C2CD3: variants seen among roughly 807,000 people sequenced by gnomAD.
C2CD3 encodes the protein C2 domain-containing protein 3.
Under a neutral mutation model 234.0 loss-of-function variants are expected in C2CD3, and 148 were observed. That is an observed-to-expected ratio of 0.63 (90% CI 0.55 to 0.72). The LOEUF (loss-of-function observed/expected upper bound fraction) is 0.72. C2CD3 is among the 30% of genes least tolerant of loss of function. C2CD3 has a pLI of 0.00. For synonymous variants in C2CD3, 1,000 were observed against 1,035.4 expected, an observed-to-expected ratio of 0.97 and a Z score of 0.66; for missense variants, 2,577 against 2,811.5, an observed-to-expected ratio of 0.92 and a Z score of 1.89.
At chr11:74,095,517 T>C in intron 16 of C2CD3, 109 bp from the exon 17 acceptor site, 1 of 779,648 alleles carries the variant, frequency 1.3e-6, no homozygotes, top group East Asian at 2.7e-5. Flanking sequence ...TATAATTAGT[T>C]GATACTAAAA....
chr11:74,032,811 G>A (rs972936397), intron 31 of C2CD3, among the ~76,000 whole-genome samples: 4 of 151,582 alleles, frequency 2.6e-5, no homozygotes, highest in Admixed American at 6.6e-5. Flanking sequence ...GCTGCAGTGA[G>A]GTATGGTAAT....
chr11:74,067,093 T>C (rs1362388257), intron 24 of C2CD3, among the ~76,000 whole-genome samples: 2 of 152,208 alleles, frequency 1.3e-5, no homozygotes, highest in Non-Finnish European at 2.9e-5. Context: ...TGACATGCTA[T>C]TATTTAATCT....
At chr11:74,095,497 A>C in intron 16 of C2CD3, 89 bp from the exon 17 acceptor site, 1 of 971,018 alleles carries the variant, frequency 1.0e-6, no homozygotes, top group Non-Finnish European at 1.5e-6. Flanking sequence ...AGTATAGATA[A>C]AGAGATAAGT....
At chr11:74,085,571 A>G (rs1271187138) in intron 21 of C2CD3, 47 bp downstream of exon 21, 5 of 1,601,100 alleles carry the variant, frequency 3.1e-6, no homozygotes, top group African/African-American at 1.3e-5. Context: ...ACTATTCACA[A>G]TGCAGCCTCT....
chr11:74,031,558 C>T (rs531181427), intron 31 of C2CD3, among the ~76,000 whole-genome samples: 8 of 152,302 alleles, frequency 5.3e-5, no homozygotes, highest in East Asian at 3.9e-4. Flanking sequence ...TGGTCCCTCG[C>T]GTTCTGTCCA....
Position 74,013,558 on chromosome 11 carries a change from G to A in C2CD3, c.6922-33C>T, listed in dbSNP as rs759592141. 9.2e-5 allele frequency: 118 copies of A among 1,287,680 alleles called. No homozygotes were observed. In the South Asian group the frequency reaches 1.6e-3, roughly 17 times the overall value. The allele number at this position is 1,287,680 out of a possible 1,614,324, so 79.8% of individuals were successfully genotyped here. A position where few individuals can be genotyped will look rare whatever the true frequency, so the allele number is the denominator to read the frequency against. ...GGAAGAAGTCAGCTAGGTTACCACTGAGGATATGGCACCACCAATGGATGA... is the reference window on the plus strand; with the variant it reads ...GGAAGAAGTCAGCTAGGTTACCACTAAGGATATGGCACCACCAATGGATGA... On this transcript the variant is annotated intron_variant, in intron 32 of 32. Transcript: ENST00000334126.
At chr11:74,033,269 A>T (rs1338743787) in intron 31 of C2CD3, 82 bp downstream of exon 31, 2 of 1,161,578 alleles carry the variant, frequency 1.7e-6, no homozygotes, top group African/African-American at 3.1e-5. Context: ...GCATTCCATG[A>T]GGGTGGCCAC....
intron 3 of C2CD3, among the ~76,000 whole-genome samples, chr11:74,159,684 A>T (rs1018998650): frequency 1.3e-5 from 2 of 152,180 alleles, no homozygotes; most frequent in African/African-American, 4.8e-5. Context: ...TTTATAAAGT[A>T]AAAAAAGTTA....
Position 74,027,451 on chromosome 11 carries a change from A to C in C2CD3, c.6921+836T>G, listed in dbSNP as rs369879668. ...TAGGCATAATGATAGTATATTCCTCATCAGATTGCTAAATTTAATTAGTTA... is the reference window on the plus strand; with the variant it reads ...TAGGCATAATGATAGTATATTCCTCCTCAGATTGCTAAATTTAATTAGTTA... On this transcript the variant is annotated intron_variant, in intron 32 of 32. Transcript: ENST00000334126. 1.2e-3 allele frequency among the ~76,000 whole-genome samples: 177 copies of C among 152,284 alleles called. 1 individual carries two copies. In the Middle Eastern group the frequency reaches 0.014, roughly 12 times the overall value.
chr11:74,129,823 G>C (rs960180638), intron 7 of C2CD3: 1 of 188,906 alleles, frequency 5.3e-6, no homozygotes, highest in Admixed American at 6.1e-5. Context: ...CTGCAATCCC[G>C]GCACCTCGTG....
At chr11:74,136,520 G>A (rs184915716) in intron 5 of C2CD3, among the ~76,000 whole-genome samples, 5 of 152,284 alleles carry the variant, frequency 3.3e-5, no homozygotes, top group Admixed American at 3.3e-4. Flanking sequence ...AATGAGAGCT[G>A]CCCCCTTTGA....
chr11:74,159,161 T>C (rs1381269737), intron 3 of C2CD3, among the ~76,000 whole-genome samples: 5 of 152,372 alleles, frequency 3.3e-5, no homozygotes, highest in Middle Eastern at 3.4e-3. Flanking sequence ...TTTGTGGCGA[T>C]GCTGATGTAA....
intron 32 of C2CD3, among the ~76,000 whole-genome samples, chr11:74,022,529 C>G (rs894081307): frequency 4.6e-5 from 7 of 152,084 alleles, no homozygotes; most frequent in Non-Finnish European, 1.0e-4. Flanking sequence ...TTGAAGTCAT[C>G]AGAGTGATTG....
In C2CD3 at chr11:74,139,782, T is replaced by C. The variant is rs779761794; in HGVS notation, c.530A>G (p.His177Arg). 7.4e-6 allele frequency: 12 copies of C among 1,613,780 alleles called. No homozygotes were observed. Among genetic ancestry groups the C allele is most frequent in the Non-Finnish European group, 1.0e-5 (12 of 1,179,692 alleles). The change falls in exon 4 of 33, where the codon CAT becomes CGT. Residue 177 changes from histidine to arginine, a missense_variant. Transcript: ENST00000334126. The part of the protein sequence containing the change: ...EPLSETYDSY[H>R]PLPTTDMTEN... ...TGTCATGTCAGTGGTAGGAAGTGGA[T>C]GGTAGCTGTCGTAAGTTTCTGACAG... is the stretch of plus-strand genomic sequence containing the variant.
intron 32 of C2CD3, among the ~76,000 whole-genome samples, chr11:74,023,816 C>T (rs1952183701): frequency 6.6e-6 from 1 of 152,218 alleles, no homozygotes; most frequent in African/African-American, 2.4e-5. Context: ...TATTTCTCTG[C>T]TCCATATTCA....
At chr11:74,103,762 A>C (rs1283876919) in intron 13 of C2CD3, 137 bp from the exon 14 acceptor site, 1 of 686,448 alleles carries the variant, frequency 1.5e-6, no homozygotes, top group East Asian at 2.7e-5. Context: ...AAGAATATTA[A>C]CAGAATGCAT....
In C2CD3 at chr11:74,117,021, C is replaced by T. The variant is rs1455984701; in HGVS notation, c.1520+1207G>A. ...GTATATGTATATATACACATATATACGTGTATATGTATATATACGTGTGTG... is the reference window on the plus strand; with the variant it reads ...GTATATGTATATATACACATATATATGTGTATATGTATATATACGTGTGTG... On this transcript the variant is annotated intron_variant, in intron 9 of 32. Transcript: ENST00000334126. 4.0e-5 allele frequency among the ~76,000 whole-genome samples: 4 copies of T among 98,792 alleles called. 1 individual carries two copies. Among genetic ancestry groups the T allele is most frequent in the Non-Finnish European group, 8.0e-5 (4 of 50,090 alleles). The allele number at this position is 98,792 out of a possible 152,430, so 64.8% of individuals were successfully genotyped here. A position where few individuals can be genotyped will look rare whatever the true frequency, so the allele number is the denominator to read the frequency against.
At chr11:74,037,336 T>TAAAAAAAAAAA (rs370964056) in intron 30 of C2CD3, 142 bp downstream of exon 30, 1 of 549,734 alleles carries the variant, frequency 1.8e-6, no homozygotes. Flanking sequence ...GCAAGATGGT[T>TAAAAAAAAAAA]AAAAAAAAAA....
intron 20 of C2CD3, among the ~76,000 whole-genome samples, chr11:74,089,260 A>G (rs1234138992): frequency 6.6e-6 from 1 of 152,180 alleles, no homozygotes; most frequent in African/African-American, 2.4e-5. Context: ...CATGCGACAT[A>G]CCCATATAAC....
Sources: allele counts gnomAD v4.1 joint callset (sites outside exome capture counted in the v4.1 genomes callset), GRCh38; gene constraint gnomAD v4.1.1; transcripts MANE v1.5; gene names NCBI Gene and HGNC (gene_info 2026-07-23, HGNC 2026-07-21).